SCN8A: variants seen among roughly 807,000 people sequenced by gnomAD.
SCN8A encodes the protein sodium channel protein type 8 subunit alpha.
Under a neutral mutation model 184.1 loss-of-function variants are expected in SCN8A, and 30 were observed. That is an observed-to-expected ratio of 0.16 (90% CI 0.12 to 0.22). SCN8A has a LOEUF of 0.22. Ranked by LOEUF, SCN8A falls within the 10% of genes least tolerant of loss-of-function variation. The pLI is 1.00. For missense variants in SCN8A, 1,057 were observed against 2,498.9 expected, an observed-to-expected ratio of 0.42 and a Z score of 12.30; for synonymous variants, 852 against 907.0, an observed-to-expected ratio of 0.94 and a Z score of 1.09.
At chr12:51,746,062 C>A in intron 13 of SCN8A, 27 bp downstream of exon 13, 1 of 1,560,920 alleles carries the variant, frequency 6.4e-7, no homozygotes, top group Non-Finnish European at 8.7e-7. Context: ...GTCAGTCCAA[C>A]CGCTGAGATA....
intron 12 of SCN8A, among the ~76,000 whole-genome samples, chr12:51,730,018 A>G (rs118009798): frequency 0.019 from 2,846 of 151,076 alleles, 33 homozygotes; most frequent in Non-Finnish European, 0.028. Flanking sequence ...TTTGTTTTTT[A>G]TGTTCCAGAT....
intron 1 of SCN8A, among the ~76,000 whole-genome samples, chr12:51,593,529 T>G (rs1387018805): frequency 6.6e-6 from 1 of 152,218 alleles, no homozygotes; most frequent in Non-Finnish European, 1.5e-5. Flanking sequence ...CGGTTGCTGT[T>G]GCTTTCCTTG....
intron 21 of SCN8A, 125 bp downstream of exon 21, chr12:51,780,896 CCTCCA>C: frequency 8.5e-7 from 1 of 1,183,228 alleles, no homozygotes; most frequent in Non-Finnish European, 1.1e-6. Flanking sequence ...CTGATTTGAT[CCTCCA>C]CTCTCTCCCC....
At position 51,768,979 on chromosome 12, in the gene SCN8A, A is replaced by G; in HGVS notation, c.3016A>G (p.Lys1006Glu). 1 of 1,613,952 alleles carries G rather than the reference A, an allele frequency of 6.2e-7. No homozygotes were observed. The highest frequency in any genetic ancestry group is 8.5e-7 in the Non-Finnish European group (1 of 1,179,826). ...CCAGATCTCAGTGATCCGTATCAAG[A>G]AGGGTGTGGCCTGGACCAAACTAAA... ...NLQISVIRIKKGVAWTKLKVH... is the reference protein window; with the variant it reads ...NLQISVIRIKEGVAWTKLKVH... Residue 1006 changes from lysine to glutamate, a missense_variant, in exon 17 of 27, where the codon AAG becomes GAG. By Grantham distance (56) the Lys-to-Glu change is moderately conservative. Coordinates refer to ENST00000627620, the MANE Select transcript of SCN8A (RefSeq NM_001330260.2).
At chr12:51,774,784 C>G (rs1937637591) in intron 20 of SCN8A, among the ~76,000 whole-genome samples, 1 of 152,112 alleles carries the variant, frequency 6.6e-6, no homozygotes, top group African/African-American at 2.4e-5. Context: ...GATCTGTGGT[C>G]TCTCCTGCTG....
chr12:51,677,324 G>A (rs149431501), intron 2 of SCN8A, among the ~76,000 whole-genome samples: 55 of 152,090 alleles, frequency 3.6e-4, no homozygotes, highest in African/African-American at 1.3e-3. Flanking sequence ...CTGGGCTCAA[G>A]CGATCTTCCC....
chr12:51,773,673 A>G (rs1184264756), intron 19 of SCN8A, among the ~76,000 whole-genome samples: 1 of 152,234 alleles, frequency 6.6e-6, no homozygotes, highest in Non-Finnish European at 1.5e-5. Context: ...TAGAGAATGA[A>G]AGCATGTCTA....
chr12:51,743,973 C>T (rs1565907859), intron 12 of SCN8A, among the ~76,000 whole-genome samples: 1 of 152,118 alleles, frequency 6.6e-6, no homozygotes, highest in African/African-American at 2.4e-5. Flanking sequence ...ACTGTATCCA[C>T]ACCACTTAGC....
intron 6 of SCN8A, among the ~76,000 whole-genome samples, chr12:51,695,895 T>C (rs1453084960): frequency 6.6e-6 from 1 of 152,220 alleles, no homozygotes; most frequent in Non-Finnish European, 1.5e-5. Context: ...CAGACATGGC[T>C]GCTGAGAGCT....
intron 1 of SCN8A, among the ~76,000 whole-genome samples, chr12:51,638,559 T>C (rs1328898121): frequency 6.6e-6 from 1 of 151,704 alleles, no homozygotes; most frequent in Non-Finnish European, 1.5e-5. Flanking sequence ...TGATCTTGGC[T>C]CACTGCAACC....
intron 11 of SCN8A, 63 bp downstream of exon 11, chr12:51,706,778 A>C: frequency 6.0e-6 from 7 of 1,171,934 alleles, no homozygotes; most frequent in Non-Finnish European, 8.2e-6. Context: ...TAAAATGTGT[A>C]TATGTATATT....
At chr12:51,650,113 G>A (rs896834333) in intron 1 of SCN8A, among the ~76,000 whole-genome samples, 5 of 152,194 alleles carry the variant, frequency 3.3e-5, no homozygotes, top group African/African-American at 1.2e-4. Flanking sequence ...CGTAGCAAGA[G>A]TCACCTTTGC....
intron 13 of SCN8A, among the ~76,000 whole-genome samples, chr12:51,747,072 A>G (rs917085969): frequency 1.4e-5 from 2 of 139,884 alleles, no homozygotes; most frequent in African/African-American, 5.6e-5. Flanking sequence ...ACCCAGTGCC[A>G]CTTCTACTCT....
At chr12:51,714,679 C>T (rs1941936795) in intron 11 of SCN8A, among the ~76,000 whole-genome samples, 1 of 152,168 alleles carries the variant, frequency 6.6e-6, no homozygotes, top group Non-Finnish European at 1.5e-5. Flanking sequence ...TGTAAAATCA[C>T]TCCTTCATCA....
chr12:51,619,457 T>C (rs1205006904), intron 1 of SCN8A, among the ~76,000 whole-genome samples: 1 of 152,210 alleles, frequency 6.6e-6, no homozygotes, highest in Non-Finnish European at 1.5e-5. Context: ...GCTAATGATG[T>C]GTGTCCATTT....
At chr12:51,712,737 A>T (rs1415473500) in intron 11 of SCN8A, 6 of 1,104,098 alleles carry the variant, frequency 5.4e-6, no homozygotes, top group Admixed American at 1.7e-5. Flanking sequence ...GTCCACCACC[A>T]CCATAGCCCC....
At position 51,705,628 on chromosome 12, in the gene SCN8A, G is replaced by T; in HGVS notation, c.1341+5G>T. The T allele has an allele frequency of 6.2e-7, 1 of 1,610,834 alleles. No individual in the cohort carries two copies. Among genetic ancestry groups the T allele is most frequent in the Non-Finnish European group, 8.5e-7 (1 of 1,178,348 alleles). ...AAGCAACAGGAAGAGGCACAGGTTG[G>T]TGATGAATTCTTTGCAATAGACCTT... On this transcript the variant is annotated splice_donor_5th_base_variant and intron_variant, in intron 10 of 26. Transcript: ENST00000627620.
intron 1 of SCN8A, among the ~76,000 whole-genome samples, chr12:51,661,462 A>AAT (rs1285893205): frequency 6.6e-6 from 1 of 152,130 alleles, no homozygotes; most frequent in African/African-American, 2.4e-5. Context: ...AGAGATCTGG[A>AAT]ATCTCAGCAG....
In SCN8A at chr12:51,810,990, A is replaced by G. The variant is rs928023953; in HGVS notation, c.*3561A>G. 5 of 152,232 alleles carry G rather than the reference A, an allele frequency of 3.3e-5. No homozygotes were observed. Among genetic ancestry groups the G allele is most frequent in the Non-Finnish European group, 7.3e-5 (5 of 68,042 alleles). 9.4% of individuals were successfully genotyped at this position (152,232 alleles called of 1,614,324 possible). On this transcript the variant is annotated 3_prime_UTR_variant, in exon 27 of 27. Transcript: ENST00000627620. ...CTGTAAAAGACCAACAGTGAAGATTAGTGTATTAGTGAATGCATGGAGGCC... is the reference window on the plus strand; with the variant it reads ...CTGTAAAAGACCAACAGTGAAGATTGGTGTATTAGTGAATGCATGGAGGCC...
Sources: allele counts gnomAD v4.1 joint callset (sites outside exome capture counted in the v4.1 genomes callset), GRCh38; gene constraint gnomAD v4.1.1; transcripts MANE v1.5; gene names NCBI Gene and HGNC (gene_info 2026-07-23, HGNC 2026-07-21).